SHROOM2: variants seen among roughly 807,000 people sequenced by gnomAD.
SHROOM2 encodes the protein protein Shroom2.
In SHROOM2, 33 loss-of-function variants were observed where a neutral mutation model predicts 75.9. That is an observed-to-expected ratio of 0.43 (90% CI 0.33 to 0.58). The LOEUF is 0.58. SHROOM2 is among the 20% of genes least tolerant of loss of function. The probability of loss-of-function intolerance (pLI) is 0.04; values close to 1 mark genes in which losing one functional copy is unlikely to be tolerated. For missense variants in SHROOM2, 1,434 were observed against 1,461.2 expected (o/e 0.98, Z 0.30); for synonymous variants, 655 against 663.6 (o/e 0.99, Z 0.20).
At position 9,895,625 on chromosome X, in the gene SHROOM2, G is replaced by C. The variant is rs1047515221; in HGVS notation, c.1717G>C (p.Asp573His). Residue 573 changes from aspartate (D) to histidine (H), a missense_variant, in exon 4 of 10, where the codon GAT becomes CAT. Asp to His is a moderately conservative substitution (Grantham distance 81). This residue lies in a region of SHROOM2 where 1,340 missense variants were observed against 1,338.3 expected (regional missense o/e 1.00). Transcript: ENST00000380913. ...QRLAASITWADGESSRICPQE... is the reference protein window; with the variant it reads ...QRLAASITWAHGESSRICPQE... The stretch of plus-strand genomic sequence containing the variant: ...GCTGGCAGCCAGCATCACGTGGGCA[G>C]ATGGGGAGAGCAGCAGGATCTGCCC... The C allele has an allele frequency of 2.6e-6, 3 of 1,162,657 alleles. No homozygotes were observed. Among genetic ancestry groups the C allele is most frequent in the Admixed American group, 5.1e-5 (2 of 38,994 alleles).
chrX:9,891,410 CCCT>C (rs2084291389), intron 3 of SHROOM2, among the ~76,000 whole-genome samples: 1 of 112,245 alleles, frequency 8.9e-6, no homozygotes, highest in Non-Finnish European at 1.9e-5. Flanking sequence ...TCCACGGCAC[CCCT>C]CTCCTTTCCA....
chrX:9,921,645 ACCATTCATTCTATTTG>A, intron 5 of SHROOM2, among the ~76,000 whole-genome samples: 1 of 111,621 alleles, frequency 9.0e-6, no homozygotes, highest in Non-Finnish European at 1.9e-5. Context: ...CCTAACAACC[ACCATTCATTCTATTTG>A]AAAGTTTAAA....
intron 1 of SHROOM2, among the ~76,000 whole-genome samples, chrX:9,870,764 T>C (rs1041269803): frequency 8.9e-6 from 1 of 112,316 alleles, no homozygotes; most frequent in Admixed American, 9.5e-5. Flanking sequence ...AGGTCAGTTA[T>C]AGACAGTTTC....
At chrX:9,806,567 C>CT (rs748143721) in intron 1 of SHROOM2, among the ~76,000 whole-genome samples, 1,466 of 83,908 alleles carry the variant, frequency 0.017, 62 homozygotes, top group African/African-American at 0.062. Flanking sequence ...AACTTTAATC[C>CT]TTTTTTTTTT....
intron 3 of SHROOM2, among the ~76,000 whole-genome samples, chrX:9,893,680 G>A (rs747040918): frequency 1.3e-4 from 15 of 111,183 alleles, no homozygotes; most frequent in East Asian, 2.8e-4. Context: ...GGCTGGGTGC[G>A]GTGGCTCATA....
chrX:9,811,981 C>T (rs2083793910), intron 1 of SHROOM2, among the ~76,000 whole-genome samples: 1 of 111,658 alleles, frequency 9.0e-6, no homozygotes, highest in African/African-American at 3.3e-5. Flanking sequence ...TGATGGAATG[C>T]TGCTGTGCAC....
At chrX:9,875,338 G>A (rs886945577) in intron 2 of SHROOM2, among the ~76,000 whole-genome samples, 4 of 110,169 alleles carry the variant, frequency 3.6e-5, no homozygotes, top group African/African-American at 6.6e-5. Flanking sequence ...CAGCACGTTT[G>A]TTCTTACACG....
At chrX:9,875,143 A>G (rs1471335437) in intron 2 of SHROOM2, among the ~76,000 whole-genome samples, 1 of 97,197 alleles carries the variant, frequency 1.0e-5, no homozygotes, top group Admixed American at 1.2e-4. Context: ...TTGCCTCATG[A>G]ATTTAGCAAA....
At chrX:9,894,141 AG>A (rs1442878858) in intron 3 of SHROOM2, among the ~76,000 whole-genome samples, 1 of 110,698 alleles carries the variant, frequency 9.0e-6, no homozygotes, top group East Asian at 2.9e-4. Context: ...TGTAACAGGG[AG>A]GACACAGTCT....
intron 1 of SHROOM2, chrX:9,865,468 G>C (rs1407997156): frequency 9.2e-6 from 1 of 108,995 alleles, no homozygotes; most frequent in Non-Finnish European, 1.9e-5. Flanking sequence ...TCAGGTTCCT[G>C]CTGAGCCACT....
At chrX:9,936,173 C>A (rs1215423187) in intron 6 of SHROOM2, among the ~76,000 whole-genome samples, 6 of 110,238 alleles carry the variant, frequency 5.4e-5, no homozygotes, top group Non-Finnish European at 1.1e-4. Flanking sequence ...TCTCAGGTCA[C>A]TGATCTCAGC....
intron 1 of SHROOM2, among the ~76,000 whole-genome samples, chrX:9,854,516 G>A (rs933643306): frequency 6.2e-5 from 7 of 112,157 alleles, no homozygotes; most frequent in South Asian, 3.7e-4. Context: ...GCATTTTCTC[G>A]TGTTTTAAAG....
rs2084828902 is a variant in SHROOM2 at position 9,947,147 on chromosome X, T to C, written c.*210T>C. On this transcript the variant is annotated 3_prime_UTR_variant, in exon 10 of 10. Transcript: ENST00000380913. Reference sequence around the variant, plus strand: ...CCCCTTTGATTGCTGAGAGCCATTTTCCTTTACACATAACTACACCTGACA... The same window carrying C: ...CCCCTTTGATTGCTGAGAGCCATTTCCCTTTACACATAACTACACCTGACA... 2.3e-6 allele frequency: 1 copy of C among 437,404 alleles called. No homozygotes were observed. The highest frequency in any genetic ancestry group is 3.7e-5 in the South Asian group (1 of 27,143). 36.0% of individuals were successfully genotyped at this position (437,404 alleles called of 1,213,427 possible).
At chrX:9,863,345 C>T (rs1476739719) in intron 1 of SHROOM2, among the ~76,000 whole-genome samples, 3 of 110,985 alleles carry the variant, frequency 2.7e-5, no homozygotes, top group East Asian at 2.8e-4. Context: ...ATCACCCAGC[C>T]GTAGGTTTTC....
At chrX:9,946,607 C>T (rs1028540580) in intron 9 of SHROOM2, 64 bp from the exon 10 acceptor site, 1 of 1,103,139 alleles carries the variant, frequency 9.1e-7, no homozygotes, top group Non-Finnish European at 1.2e-6. Flanking sequence ...CCAGTGTCTT[C>T]AAGGGTTGGC....
chrX:9,906,975 C>T (rs2084395149), intron 5 of SHROOM2, among the ~76,000 whole-genome samples: 1 of 111,084 alleles, frequency 9.0e-6, no homozygotes, highest in African/African-American at 3.3e-5. Flanking sequence ...ACCAGGTTGC[C>T]CTCCCTGCAG....
At chrX:9,941,251 G>A (rs1305621483) in intron 8 of SHROOM2, among the ~76,000 whole-genome samples, 1 of 112,086 alleles carries the variant, frequency 8.9e-6, no homozygotes, top group Admixed American at 9.5e-5. Context: ...ATTCTTAGTG[G>A]AGGGATGAGA....
chrX:9,902,148 T>C (rs754891185), intron 5 of SHROOM2, among the ~76,000 whole-genome samples: 1 of 108,781 alleles, frequency 9.2e-6, no homozygotes, highest in East Asian at 2.9e-4. Context: ...GATAGATGGG[T>C]GTGTGGATGG....
intron 5 of SHROOM2, among the ~76,000 whole-genome samples, chrX:9,900,917 C>G (rs1429532506): frequency 9.1e-6 from 1 of 110,062 alleles, no homozygotes; most frequent in Non-Finnish European, 1.9e-5. Flanking sequence ...CCAGCTGGAG[C>G]CTGCTTTGGG....
Sources: gnomAD v4.1 joint callset for allele counts (sites outside exome capture counted in the v4.1 genomes callset) on GRCh38, gnomAD v4.1.1 for gene constraint, gnomAD v4.1.1 regional missense constraint, MANE v1.5 for transcripts, NCBI Gene and HGNC (gene_info 2026-07-23, HGNC 2026-07-21) for gene names.